Variants in CCDC3 observed in about 807,000 individuals in gnomAD.
CCDC3 encodes coiled-coil domain-containing protein 3.
A neutral mutation model predicts 21.4 loss-of-function variants in CCDC3; 24 were observed. That is an observed-to-expected ratio of 1.12 (90% CI 0.81 to 1.58). CCDC3 has a LOEUF of 1.58. Among genes scored for constraint, CCDC3 ranks in the 40% most tolerant of loss-of-function variants. CCDC3 has a pLI of 0.00. For synonymous variants in CCDC3, 186 were observed against 166.0 expected, an observed-to-expected ratio of 1.12 and a Z score of -0.93; for missense variants, 425 against 360.9, an observed-to-expected ratio of 1.18 and a Z score of -1.44.
intron 2 of CCDC3, among the ~76,000 whole-genome samples, chr10:12,995,782 G>A (rs1564313778): frequency 6.6e-6 from 1 of 152,156 alleles, no homozygotes; most frequent in Non-Finnish European, 1.5e-5. Context: ...TCAAGGGAAA[G>A]GGAAAAGGAA....
At position 12,953,648 on chromosome 10, in the gene CCDC3, G is replaced by A. The variant is rs540616238; in HGVS notation, c.549+44690C>T. On this transcript the variant is annotated intron_variant, in intron 2 of 2. Transcript: ENST00000378825. ...TACTGCTGCCTTGCTGGGGGACCAC[G>A]AGCTGGGAGGACAGCTTGCTCAGCT... Among the ~76,000 whole-genome samples the A allele has an allele frequency of 1.4e-4, 22 of 152,310 alleles. No homozygotes were observed. The East Asian group carries it at 3.9e-3, about 27-fold the overall frequency.
intron 3 of CCDC3, among the ~76,000 whole-genome samples, chr10:13,094,223 C>A (rs1369308191): frequency 1.3e-5 from 2 of 148,790 alleles, no homozygotes; most frequent in Non-Finnish European, 3.0e-5. Flanking sequence ...TGGCTCTTTC[C>A]CAGTGAGTTT....
At position 13,069,445 on chromosome 10, in the gene CCDC3, A is replaced by T. The variant is rs140600604; in HGVS notation, c.-270+4423T>A. 8.3e-3 allele frequency among the ~76,000 whole-genome samples: 1,268 copies of T among 152,262 alleles called. 18 individuals carry two copies. The highest frequency in any genetic ancestry group is 0.028 in the African/African-American group (1,182 of 41,578). On this transcript the variant is annotated intron_variant, in intron 4 of 6. Transcript: ENST00000378839. ...GTTATAAAAGGTTTTTTGCTTTTTT[A>T]AAATTTCTGAGTCATTATTTTGGCA...
intron 2 of CCDC3, among the ~76,000 whole-genome samples, chr10:12,961,827 G>A (rs918827211): frequency 6.6e-6 from 1 of 152,138 alleles, no homozygotes. Flanking sequence ...AAGCTTCCAA[G>A]TAGCTAGCTG....
At chr10:12,952,126 G>A (rs2131249208) in intron 2 of CCDC3, among the ~76,000 whole-genome samples, 1 of 152,280 alleles carries the variant, frequency 6.6e-6, no homozygotes, top group Admixed American at 6.5e-5. Context: ...CCCAAATCAG[G>A]TGAGACCAAG....
chr10:12,962,918 A>C (rs370070014), intron 2 of CCDC3, among the ~76,000 whole-genome samples: 2 of 152,218 alleles, frequency 1.3e-5, no homozygotes, highest in African/African-American at 4.8e-5. Context: ...GACAGCTTTT[A>C]TATGGTTTCT....
intron 3 of CCDC3, among the ~76,000 whole-genome samples, chr10:13,078,438 G>A (rs1190568298): frequency 1.3e-5 from 2 of 152,202 alleles, no homozygotes; most frequent in Non-Finnish European, 2.9e-5. Context: ...CAACCATTGT[G>A]GAAGACAGTG....
chr10:12,987,314 G>C (rs901631275), intron 2 of CCDC3, among the ~76,000 whole-genome samples: 1 of 152,168 alleles, frequency 6.6e-6, no homozygotes, highest in Admixed American at 6.5e-5. Flanking sequence ...TGCTAAGCAC[G>C]TAGGAAGGAT....
chr10:12,921,992 A>C (rs905503222), intron 2 of CCDC3, among the ~76,000 whole-genome samples: 3 of 152,176 alleles, frequency 2.0e-5, no homozygotes, highest in Admixed American at 6.5e-5. Context: ...AGCCTTCCAA[A>C]GTGCTGGGAT....
intron 2 of CCDC3, among the ~76,000 whole-genome samples, chr10:12,899,623 A>G (rs556556971): frequency 1.3e-5 from 2 of 152,368 alleles, no homozygotes; most frequent in Admixed American, 1.3e-4. Context: ...TAAAGGAACA[A>G]GACAGCTCCG....
rs556296148 is a variant in CCDC3, at chr10:13,036,251, G to T, written c.-2+13423C>A. 3.9e-5 allele frequency among the ~76,000 whole-genome samples: 6 copies of T among 152,282 alleles called. 1 individual carries two copies. In the South Asian group the frequency reaches 1.0e-3, roughly 26 times the overall value. On this transcript the variant is annotated intron_variant, in intron 5 of 6. Coordinates refer to the CCDC3 transcript ENST00000378839. ...ATTGTGTTGGGGGATAAGAGATGTT[G>T]TCCTGAGTCCTGCCCTATCTCTTTT...
Position 13,010,313 on chromosome 10 carries a change from C to T in CCDC3, c.-1-11801G>A, listed in dbSNP as rs181460618. On this transcript the variant is annotated intron_variant, in intron 5 of 6. Transcript: ENST00000378839. ...CAAACAACCCAATATAAAAAATGGG[C>T]AGAAGATTTAAAAAACACTTCACCA... 4.1e-4 allele frequency among the ~76,000 whole-genome samples: 62 copies of T among 152,040 alleles called. 1 individual carries two copies. The East Asian group carries it at 0.011, about 27-fold the overall frequency.
intron 4 of CCDC3, among the ~76,000 whole-genome samples, chr10:13,064,950 A>G (rs1174833290): frequency 6.6e-6 from 1 of 152,142 alleles, no homozygotes; most frequent in African/African-American, 2.4e-5. Context: ...ATATGCATTT[A>G]TCTCGGTGAG....
chr10:12,936,878 G>T (rs1355799345), intron 2 of CCDC3, among the ~76,000 whole-genome samples: 3 of 152,186 alleles, frequency 2.0e-5, no homozygotes, highest in African/African-American at 7.2e-5. Flanking sequence ...ACACCTGTCA[G>T]TAACCACTGC....
chr10:13,066,740 T>G (rs1245061032), intron 4 of CCDC3, among the ~76,000 whole-genome samples: 2 of 152,104 alleles, frequency 1.3e-5, no homozygotes, highest in Non-Finnish European at 2.9e-5. Flanking sequence ...ACACGTGCAC[T>G]GGGGGAACGG....
chr10:12,936,343 C>A (rs1160122287), intron 2 of CCDC3, among the ~76,000 whole-genome samples: 9 of 152,024 alleles, frequency 5.9e-5, no homozygotes, highest in Admixed American at 5.9e-4. Context: ...TATATGTAAG[C>A]TGTTTTCTTT....
At position 12,896,796 on chromosome 10, in the gene CCDC3, A is replaced by G. The variant is rs1167700773; in HGVS notation, c.*1620T>C. 6.6e-6 allele frequency: 1 copy of G among 152,668 alleles called. No homozygotes were observed. The highest frequency in any genetic ancestry group is 1.5e-5 in the Non-Finnish European group (1 of 68,100). The allele number at this position is 152,668 out of a possible 1,614,324, so 9.5% of individuals were successfully genotyped here. A position where few individuals can be genotyped will look rare whatever the true frequency, so the allele number is the denominator to read the frequency against. ...GAAATGTCCCCAGGAGGAATAAACT[A>G]GAAGACGCACCTGCTATTTCACCAT... On this transcript the variant is annotated 3_prime_UTR_variant, in exon 3 of 3. Coordinates refer to ENST00000378825, the MANE Select transcript of CCDC3 (RefSeq NM_031455.4).
At chr10:13,042,897 A>G (rs1341280884) in intron 5 of CCDC3, among the ~76,000 whole-genome samples, 5 of 108,168 alleles carry the variant, frequency 4.6e-5, no homozygotes, top group African/African-American at 1.9e-4. Context: ...CGACAGAGGG[A>G]GACTGTCTCA....
intron 5 of CCDC3, among the ~76,000 whole-genome samples, chr10:13,021,980 G>A (rs1429625307): frequency 6.6e-6 from 1 of 151,936 alleles, no homozygotes; most frequent in East Asian, 1.9e-4. Flanking sequence ...GGATGGTCTC[G>A]AACTCCTGAC....
Sources: gnomAD v4.1 joint callset for allele counts (sites outside exome capture counted in the v4.1 genomes callset) on GRCh38, gnomAD v4.1.1 for gene constraint, MANE v1.5 for transcripts, NCBI Gene and HGNC (gene_info 2026-07-23, HGNC 2026-07-21) for gene names.